The following SOX5 variants were observed in gnomAD, a reference collection of about 807,000 sequenced individuals.
SOX5 encodes transcription factor SOX-5.
SOX5 carries 9 observed loss-of-function variants against 92.0 expected under a neutral mutation model. The ratio of observed to expected loss-of-function variants is 0.10; its 90% CI spans 0.06 to 0.17. The LOEUF (loss-of-function observed/expected upper bound fraction) is 0.17. Ranked by LOEUF, SOX5 falls within the 10% of genes least tolerant of loss-of-function variation. The probability of loss-of-function intolerance (pLI) is 1.00; values close to 1 mark genes in which losing one functional copy is unlikely to be tolerated. For missense variants in SOX5, 642 were observed against 944.5 expected (o/e 0.68, Z 4.20); for synonymous variants, 344 against 336.3 (o/e 1.02, Z -0.25).
intron 1 of SOX5, among the ~76,000 whole-genome samples, chr12:24,460,073 C>T (rs1288532403): frequency 6.6e-6 from 1 of 152,154 alleles, no homozygotes; most frequent in Admixed American, 6.5e-5. Context: ...ATCTCCAAAG[C>T]CTATCTGTAT....
chr12:24,305,415 G>A (rs1472481287), intron 2 of SOX5, among the ~76,000 whole-genome samples: 1 of 152,142 alleles, frequency 6.6e-6, no homozygotes, highest in Non-Finnish European at 1.5e-5. Context: ...AATCATTCCT[G>A]AAATATCAGG....
intron 4 of SOX5, among the ~76,000 whole-genome samples, chr12:24,025,387 G>A (rs1010917991): frequency 1.3e-5 from 2 of 152,066 alleles, no homozygotes; most frequent in Non-Finnish European, 2.9e-5. Context: ...ACAATGAAAA[G>A]AATCCAGTCT....
At chr12:23,826,527 A>C (rs1568106489) in intron 3 of SOX5, among the ~76,000 whole-genome samples, 1 of 152,058 alleles carries the variant, frequency 6.6e-6, no homozygotes, top group Non-Finnish European at 1.5e-5. Context: ...CTCTCCCTGA[A>C]AGCTGGAGAG....
chr12:23,669,436 C>G (rs1442162324), intron 6 of SOX5, among the ~76,000 whole-genome samples: 1 of 152,054 alleles, frequency 6.6e-6, no homozygotes, highest in African/African-American at 2.4e-5. Context: ...GGTGAGAGGT[C>G]TGCCTGAATC....
At chr12:23,968,527 C>T (rs1947854293) in intron 4 of SOX5, among the ~76,000 whole-genome samples, 1 of 152,166 alleles carries the variant, frequency 6.6e-6, no homozygotes, top group South Asian at 2.1e-4. Context: ...TATCAAAGGA[C>T]AAATCCGCCC....
chr12:23,874,818 G>A (rs751275087), intron 2 of SOX5, among the ~76,000 whole-genome samples: 17 of 152,116 alleles, frequency 1.1e-4, no homozygotes, highest in Admixed American at 2.0e-4. Flanking sequence ...AAACTACCAC[G>A]ACAGATGCTA....
rs553371938 is a variant in SOX5, at chr12:24,380,733, A to T, written c.-250-12094T>A. Among the ~76,000 whole-genome samples the T allele has an allele frequency of 3.3e-5, 5 of 152,054 alleles. No homozygotes were observed. In the South Asian group the frequency reaches 1.0e-3, roughly 32 times the overall value. On this transcript the variant is annotated intron_variant, in intron 1 of 4. Transcript: ENST00000446891. ...TTAATTGTCCCAGAGTTCTTGATAT[A>T]TTTTTTTTAAAGGAGGGCACAATGC...
At chr12:24,527,043 C>T (rs550861825) in intron 1 of SOX5, among the ~76,000 whole-genome samples, 6 of 152,242 alleles carry the variant, frequency 3.9e-5, no homozygotes, top group East Asian at 1.9e-4. Context: ...CCTCCCACCT[C>T]GTCCTCCCAA....
At chr12:23,860,628 C>G (rs1689055551) in intron 2 of SOX5, among the ~76,000 whole-genome samples, 2 of 152,096 alleles carry the variant, frequency 1.3e-5, no homozygotes, top group Non-Finnish European at 2.9e-5. Flanking sequence ...TCAGGAAATT[C>G]AATTGTTTGA....
At chr12:23,702,912 C>G (rs1273113270) in intron 6 of SOX5, among the ~76,000 whole-genome samples, 1 of 152,042 alleles carries the variant, frequency 6.6e-6, no homozygotes, top group Non-Finnish European at 1.5e-5. Flanking sequence ...TAGAATTTCT[C>G]ACAGAAACCA....
intron 3 of SOX5, among the ~76,000 whole-genome samples, chr12:24,240,796 C>T (rs562640464): frequency 7.9e-5 from 12 of 152,284 alleles, no homozygotes; most frequent in South Asian, 6.2e-4. Flanking sequence ...ACAATATCTA[C>T]GGTGAACCTA....
chr12:23,724,516 G>A (rs1303050788), intron 6 of SOX5, among the ~76,000 whole-genome samples: 1 of 152,060 alleles, frequency 6.6e-6, no homozygotes, highest in Non-Finnish European at 1.5e-5. Flanking sequence ...CATTTCAAAG[G>A]TAGTATACTA....
chr12:23,843,554 C>CTTT lies in SOX5; in HGVS notation c.481+2426_481+2428dup, dbSNP rs71059931. ...TCAGAATATTTGACAGTCATTTCTCCTTTTTTTTTTTTTTTTTTTTTTTTT... is the reference window on the plus strand; with the variant it reads ...TCAGAATATTTGACAGTCATTTCTCCTTTTTTTTTTTTTTTTTTTTTTTTTTTT... On this transcript the variant is annotated intron_variant, in intron 3 of 14. Transcript: ENST00000451604. Among the ~76,000 whole-genome samples, 333 of 71,332 alleles carry CTTT rather than the reference C, an allele frequency of 4.7e-3. 60 individuals carry two copies. The highest frequency in any genetic ancestry group is 0.011 in the Middle Eastern group (1 of 88). 46.8% of individuals were successfully genotyped at this position (71,332 alleles called of 152,430 possible). A position where few individuals can be genotyped will look rare whatever the true frequency, so the allele number is the denominator to read the frequency against.
intron 4 of SOX5, among the ~76,000 whole-genome samples, chr12:23,956,264 T>A (rs12815045): frequency 6.9e-5 from 10 of 144,832 alleles, no homozygotes; most frequent in Non-Finnish European, 1.6e-4. Flanking sequence ...GGGAAGAAAT[T>A]ATGGCTAAGC....
At chr12:24,366,435 A>G (rs1458151373) in intron 2 of SOX5, among the ~76,000 whole-genome samples, 1 of 152,150 alleles carries the variant, frequency 6.6e-6, no homozygotes, top group East Asian at 1.9e-4. Flanking sequence ...TTTCAGCTTG[A>G]AGCCTGAGAG....
chr12:23,895,886 G>A lies in SOX5; in HGVS notation c.177C>T (p.Pro59=). ...GAAATTCCTCAGAGTGAGGCTTGTT[G>A]GGAAAACTCACATGCAAGGGAAGGT... ...AFHLPLHVSF[P]NKPHSEEFQP... is the part of the protein sequence containing the mutation. Residue 59 remains proline (P), a synonymous_variant, in exon 2 of 15, where the codon CCC becomes CCT. Coordinates refer to ENST00000451604, the MANE Select transcript of SOX5 (RefSeq NM_006940.6). 6.2e-7 allele frequency: 1 copy of A among 1,614,054 alleles called. No homozygotes were observed. The highest frequency in any genetic ancestry group is 8.5e-7 in the Non-Finnish European group (1 of 1,179,942).
intron 3 of SOX5, among the ~76,000 whole-genome samples, chr12:24,256,180 A>C (rs1342728551): frequency 1.3e-5 from 2 of 152,242 alleles, no homozygotes; most frequent in Admixed American, 1.3e-4. Context: ...AAATGTAAGC[A>C]GACATTATAT....
At chr12:23,669,926 G>T (rs775777112) in intron 6 of SOX5, among the ~76,000 whole-genome samples, 2 of 152,122 alleles carry the variant, frequency 1.3e-5, no homozygotes, top group African/African-American at 2.4e-5. Flanking sequence ...CAGAGGCCAC[G>T]CTATGGGAAG....
At chr12:24,246,386 T>C (rs1594764531) in intron 3 of SOX5, among the ~76,000 whole-genome samples, 1 of 152,190 alleles carries the variant, frequency 6.6e-6, no homozygotes, top group East Asian at 1.9e-4. Flanking sequence ...AAAAAAAAAT[T>C]CAAGGAAATT....
Sources: gnomAD v4.1 joint callset for allele counts (sites outside exome capture counted in the v4.1 genomes callset) on GRCh38, gnomAD v4.1.1 for gene constraint, MANE v1.5 for transcripts, NCBI Gene and HGNC (gene_info 2026-07-23, HGNC 2026-07-21) for gene names.